The following DSCAML1 variants were observed in gnomAD, a reference collection of about 807,000 sequenced individuals.
DSCAML1 encodes cell adhesion molecule DSCAML1.
Under a neutral mutation model 200.5 loss-of-function variants are expected in DSCAML1, and 38 were observed. That is an observed-to-expected ratio of 0.19 (90% CI 0.15 to 0.25). The LOEUF is 0.25. DSCAML1 is among the 10% of genes least tolerant of loss of function. DSCAML1 has a pLI of 1.00. For synonymous variants in DSCAML1, 1,215 were observed against 1,165.0 expected (o/e 1.04, Z -0.87); for missense variants, 2,223 against 2,858.8 (o/e 0.78, Z 5.07).
rs756486208 is a variant in DSCAML1 at position 117,438,870 on chromosome 11, C to T, written c.4243+15G>A. On this transcript the variant is annotated intron_variant, in intron 24 of 32. Transcript: ENST00000651296. The stretch of plus-strand genomic sequence containing the variant: ...TCCTTCCCCTATCTTCCCCCGCATC[C>T]AGACCCCTCCTCACCTCGGATGGAG... 6.4e-7 allele frequency: 1 copy of T among 1,559,944 alleles called. No individual in the cohort carries two copies. The highest frequency in any genetic ancestry group is 1.7e-4 in the Middle Eastern group (1 of 5,910).
rs1322652226 is a variant in DSCAML1, at chr11:117,439,720, G to A, written c.3980+99C>T. The stretch of plus-strand genomic sequence containing the variant: ...GGCCTCTGCAGGCCTGGAGGCAACC[G>A]GGTCACCAGGCAGGAGGGCCCCAGA... On this transcript the variant is annotated intron_variant, in intron 22 of 32. Transcript: ENST00000651296. 36 of 1,173,232 alleles carry A rather than the reference G, an allele frequency of 3.1e-5. No individual in the cohort carries two copies. The East Asian group carries it at 3.3e-4, about 11-fold the overall frequency. 72.7% of individuals were successfully genotyped at this position (1,173,232 alleles called of 1,614,324 possible). A position where few individuals can be genotyped will look rare whatever the true frequency, so the allele number is the denominator to read the frequency against.
At chr11:117,588,610 C>T (rs1025791684) in intron 3 of DSCAML1, among the ~76,000 whole-genome samples, 3 of 152,190 alleles carry the variant, frequency 2.0e-5, no homozygotes, top group Admixed American at 6.5e-5. Context: ...GTAGCCTTGC[C>T]GGGCCACCAC....
Position 117,430,893 on chromosome 11 carries a change from T to C in DSCAML1, c.5515A>G (p.Ser1839Gly). 1 of 1,614,192 alleles carries C rather than the reference T, an allele frequency of 6.2e-7. No individual in the cohort carries two copies. The highest frequency in any genetic ancestry group is 8.5e-7 in the Non-Finnish European group (1 of 1,180,042). The change falls in exon 32 of 33, where the codon AGT (serine) becomes GGT (glycine). Residue 1839 changes from serine to glycine, a missense_variant. Physicochemically the swap from Ser to Gly is moderately conservative, Grantham distance 56. Around this residue, in one of 7 missense-constraint regions of DSCAML1, gnomAD observed 96 missense variants for 160.7 expected, o/e 0.60. Transcript: ENST00000651296. ...FEITECFISD[S>G]SSDQMTTGTN... ...CCTGTGGTCATCTGGTCAGAGGAAC[T>C]GTCAGAGATGAAGCACTCGGTGATC...
chr11:117,528,513 GGTGCACTGGA>G (rs1362665261), intron 4 of DSCAML1, among the ~76,000 whole-genome samples: 4 of 152,210 alleles, frequency 2.6e-5, no homozygotes, highest in Non-Finnish European at 5.9e-5. Context: ...AACTGCTGGG[GGTGCACTGGA>G]GCTAGGCTAG....
At chr11:117,801,133 C>T (rs923963101), upstream of DSCAML1, 2 of 152,198 alleles carry the variant, frequency 1.3e-5, no homozygotes, top group Admixed American at 6.5e-5. Context: ...TGCTTCCCTC[C>T]CCAAAATTTA....
At chr11:117,723,188 A>G (rs2054068647) in intron 3 of DSCAML1, among the ~76,000 whole-genome samples, 2 of 152,240 alleles carry the variant, frequency 1.3e-5, no homozygotes, top group African/African-American at 4.8e-5. Flanking sequence ...TATTACTACT[A>G]TACTGGTATT....
intron 1 of DSCAML1, among the ~76,000 whole-genome samples, chr11:117,806,859 C>A (rs906002236): frequency 1.3e-5 from 2 of 152,198 alleles, no homozygotes; most frequent in African/African-American, 4.8e-5. Context: ...GCACTCATTT[C>A]CCAGATGCTA....
At chr11:117,533,795 G>A (rs2137347739) in intron 3 of DSCAML1, among the ~76,000 whole-genome samples, 1 of 152,186 alleles carries the variant, frequency 6.6e-6, no homozygotes, top group East Asian at 1.9e-4. Flanking sequence ...GGAGAAAACT[G>A]GACTTGAGGG....
At chr11:117,538,660 T>C (rs887709481) in intron 3 of DSCAML1, among the ~76,000 whole-genome samples, 56 of 152,222 alleles carry the variant, frequency 3.7e-4, no homozygotes, top group African/African-American at 1.3e-3. Flanking sequence ...GCAGGAGCCA[T>C]GGAGAGATAA....
At chr11:117,445,394 G>A (rs1225046394) in intron 20 of DSCAML1, among the ~76,000 whole-genome samples, 1 of 152,254 alleles carries the variant, frequency 6.6e-6, no homozygotes, top group East Asian at 1.9e-4. Flanking sequence ...TCAGGCCACA[G>A]CACCCTGGGA....
intron 3 of DSCAML1, among the ~76,000 whole-genome samples, chr11:117,707,259 A>ATCACCTC (rs1162240705): frequency 6.6e-6 from 1 of 152,218 alleles, no homozygotes; most frequent in Non-Finnish European, 1.5e-5. Flanking sequence ...TTAAACTTCA[A>ATCACCTC]GTGATTAAAT....
intron 11 of DSCAML1, among the ~76,000 whole-genome samples, chr11:117,495,004 C>G (rs972931883): frequency 1.3e-5 from 2 of 152,188 alleles, no homozygotes; most frequent in Non-Finnish European, 2.9e-5. Flanking sequence ...TTGTTTCAGG[C>G]CATGCAGCTT....
intron 5 of DSCAML1, 77 bp from the exon 6 acceptor site, chr11:117,521,482 G>A (rs1332923772): frequency 3.4e-6 from 5 of 1,471,162 alleles, no homozygotes; most frequent in Non-Finnish European, 2.8e-6. Context: ...TGAGTGGAGT[G>A]TAGCTGGGGG....
intron 3 of DSCAML1, among the ~76,000 whole-genome samples, chr11:117,582,992 A>ATATTATTAT (rs6144528): frequency 0.028 from 4,088 of 145,060 alleles, 86 homozygotes; most frequent in African/African-American, 0.042. Context: ...GGAGACAGGG[A>ATATTATTAT]TATTATTATT....
upstream of DSCAML1, chr11:117,801,685 C>T (rs986206788): frequency 6.6e-6 from 1 of 152,244 alleles, no homozygotes; most frequent in African/African-American, 2.4e-5. Context: ...GCCACTTACT[C>T]TCTCATCATT....
At chr11:117,784,528 GA>G (rs2055316490) in intron 1 of DSCAML1, among the ~76,000 whole-genome samples, 2 of 152,218 alleles carry the variant, frequency 1.3e-5, no homozygotes, top group African/African-American at 4.8e-5. Flanking sequence ...TCCAGGGACA[GA>G]AGGGGGAGTA....
intron 1 of DSCAML1, among the ~76,000 whole-genome samples, chr11:117,811,506 T>C (rs77331646): frequency 5.9e-5 from 9 of 152,202 alleles, no homozygotes; most frequent in South Asian, 2.1e-4. Flanking sequence ...ACGCCTGAAC[T>C]GCAGCGGCCA....
Position 117,435,826 on chromosome 11 carries a change from G to A in DSCAML1, c.4721-27C>T. 1.9e-6 allele frequency: 3 copies of A among 1,588,694 alleles called. No homozygotes were observed. The Admixed American group carries it at 5.0e-5, about 27-fold the overall frequency. On this transcript the variant is annotated intron_variant, in intron 26 of 32. Coordinates refer to ENST00000651296, the MANE Select transcript of DSCAML1 (RefSeq NM_020693.4). ...TGAATGAGGGCAAAGAATAGAATTA[G>A]ATGTCCCTTATGAGCCAGGTGCTGT...
intron 3 of DSCAML1, among the ~76,000 whole-genome samples, chr11:117,548,030 T>C (rs760488279): frequency 1.3e-5 from 2 of 152,222 alleles, no homozygotes; most frequent in Non-Finnish European, 2.9e-5. Context: ...CTTCACTGCA[T>C]ACTCGTCTCT....
Sources: allele counts gnomAD v4.1 joint callset (sites outside exome capture counted in the v4.1 genomes callset), GRCh38; gene constraint gnomAD v4.1.1; regional missense constraint gnomAD v4.1.1; transcripts MANE v1.5; gene names NCBI Gene and HGNC (gene_info 2026-07-23, HGNC 2026-07-21).